ACY1: variants seen among roughly 807,000 people sequenced by gnomAD.
The protein encoded by ACY1 is aminoacylase 1.
A neutral mutation model predicts 53.3 loss-of-function variants in ACY1; 38 were observed. That is an observed-to-expected ratio of 0.71 (90% CI 0.55 to 0.93). ACY1 has a LOEUF of 0.93. Ranked by LOEUF, ACY1 falls within the 40% of genes least tolerant of loss-of-function variation. ACY1 has a pLI of 0.00. For synonymous variants in ACY1, 177 were observed against 202.1 expected (o/e 0.88, Z 1.05); for missense variants, 484 against 540.9 (o/e 0.89, Z 1.04).
intron 2 of ACY1, chr3:51,984,982 C>G: frequency 1.6e-6 from 1 of 606,388 alleles, no homozygotes; most frequent in Non-Finnish European, 3.0e-6. Flanking sequence ...TAACACCTTC[C>G]TCCAACCCTG....
chr3:51,988,792 T>C lies in ACY1; in HGVS notation c.1028T>C (p.Met343Thr). 6.2e-7 allele frequency: 1 copy of C among 1,614,162 alleles called. No individual in the cohort carries two copies. Among genetic ancestry groups the C allele is most frequent in the Admixed American group, 1.7e-5 (1 of 60,022 alleles). Residue 343 changes from methionine to threonine, a missense_variant, in exon 14 of 15, where the codon ATG (methionine) becomes ACG (threonine). Physicochemically the swap from Met to Thr is moderately conservative, Grantham distance 81. Transcript: ENST00000636358. ...DMNLTLEPEI[M>T]PAATDNRYIR... The stretch of plus-strand genomic sequence containing the variant: ...AACCTCACTCTGGAGCCTGAGATCA[T>C]GCCTGCTGCCACTGACAACCGCTAT...
rs1054983196 is a variant in ACY1, at chr3:51,988,519, C to T, written c.922-5C>T. ...CCTGATCCTGCCATTCTTCCTGTCC[C>T]TCAGAAGTGGATGCACCCCCAAGTG... On this transcript the variant is annotated splice_region_variant and splice_polypyrimidine_tract_variant and intron_variant, in intron 12 of 14. Coordinates refer to ENST00000636358, the MANE Select transcript of ACY1 (RefSeq NM_000666.3). The T allele has an allele frequency of 1.9e-6, 3 of 1,613,970 alleles. No homozygotes were observed. Among genetic ancestry groups the T allele is most frequent in the Admixed American group, 3.3e-5 (2 of 60,018 alleles).
chr3:51,988,878 C>T, intron 14 of ACY1, 33 bp from the exon 15 acceptor site: 1 of 1,614,236 alleles, frequency 6.2e-7, no homozygotes, highest in Non-Finnish European at 8.5e-7. Context: ...TGAGTGCTGG[C>T]TTTTCCCTAA....
At chr3:51,986,098 G>T in intron 5 of ACY1, 152 bp downstream of exon 5, 1 of 1,071,630 alleles carries the variant, frequency 9.3e-7, no homozygotes, top group South Asian at 1.3e-5. Context: ...CATGGATAGG[G>T]AGATTCAGAC....
In ACY1 at chr3:51,989,190, T is replaced by A; in HGVS notation, c.*115T>A. 5 of 1,426,916 alleles carry A rather than the reference T, an allele frequency of 3.5e-6. No individual in the cohort carries two copies. The highest frequency in any genetic ancestry group is 2.3e-5 in the East Asian group (1 of 43,414). The allele number at this position is 1,426,916 out of a possible 1,614,324, so 88.4% of individuals were successfully genotyped here. A position where few individuals can be genotyped will look rare whatever the true frequency, so the allele number is the denominator to read the frequency against. On this transcript the variant is annotated 3_prime_UTR_variant, in exon 15 of 15. Coordinates refer to ENST00000636358, the MANE Select transcript of ACY1 (RefSeq NM_000666.3). ...ATGGACAGGGCTGTCTCTGAAGTAC[T>A]AACACAAGGACACTCGTGGAGCAAG...
chr3:51,988,225 G>GT (rs1701143933), intron 12 of ACY1: 1 of 508,702 alleles, frequency 2.0e-6, no homozygotes, highest in Admixed American at 3.2e-5. Context: ...CTGAAAACCT[G>GT]TAACTGGAGT....
Position 51,985,937 on chromosome 3 carries a change from T to C in ACY1, c.350T>C (p.Val117Ala). The C allele has an allele frequency of 6.2e-7, 1 of 1,611,636 alleles. No individual in the cohort carries two copies. Among genetic ancestry groups the C allele is most frequent in the Non-Finnish European group, 8.5e-7 (1 of 1,178,924 alleles). ...YARGAQDMKC[V>A]SIQYLEAVRR... is the part of the protein sequence containing the mutation. ...AGGGGTGCCCAGGACATGAAGTGCG[T>C]CAGCATCCAGTGAGTGTCCTCCATT... Residue 117 changes from valine (V) to alanine (A), a missense_variant, in exon 5 of 15, where the codon GTC (valine) becomes GCC (alanine). Val to Ala is a moderately conservative substitution (Grantham distance 64). Transcript: ENST00000636358.
Position 51,986,924 on chromosome 3 carries a change from CCAGGCTGATTGTGTCTCCAGCCCCT to C in ACY1, c.584-55_584-31del. ...AATGAGGGGGAGACCTGGGCCCACC[CCAGGCTGATTGTGTCTCCAGCCCCT>C]CAGGCTGAAGACACTGCCTTCCCCC... On this transcript the variant is annotated intron_variant, in intron 8 of 14. Coordinates refer to ENST00000636358, the MANE Select transcript of ACY1 (RefSeq NM_000666.3). The C allele has an allele frequency of 5.1e-6, 8 of 1,563,138 alleles. No homozygotes were observed. The East Asian group carries it at 1.1e-4, about 22-fold the overall frequency.
chr3:51,985,829 C>T (rs1217587688), intron 4 of ACY1, 23 bp from the exon 5 acceptor site: 5 of 1,605,976 alleles, frequency 3.1e-6, no homozygotes, highest in Non-Finnish European at 4.3e-6. Context: ...GGTTTGGGCC[C>T]CTCTTCCCAT....
At chr3:51,987,534 C>T (rs752889933) in intron 11 of ACY1, 22 bp from the exon 12 acceptor site, 2 of 1,614,028 alleles carry the variant, frequency 1.2e-6, no homozygotes, top group South Asian at 1.1e-5. Context: ...CCTGAAGGAT[C>T]AGCTCGTCTC....
At chr3:51,983,986 T>G in intron 1 of ACY1, 61 bp from the exon 2 acceptor site, 4 of 1,261,120 alleles carry the variant, frequency 3.2e-6, no homozygotes, top group Non-Finnish European at 4.6e-6. Context: ...ACAGGCTGTG[T>G]GCAGGAGCTC....
In ACY1 at chr3:51,985,476, G is replaced by A. The variant is rs368392973; in HGVS notation, c.264+11G>A. 1.2e-6 allele frequency: 2 copies of A among 1,613,242 alleles called. No individual in the cohort carries two copies. The highest frequency in any genetic ancestry group is 1.7e-6 in the Non-Finnish European group (2 of 1,179,666). On this transcript the variant is annotated intron_variant, in intron 4 of 14. Transcript: ENST00000636358. The stretch of plus-strand genomic sequence containing the variant: ...GTGCCTGTCTTCAAGGTGTGTAAGG[G>A]GCTGGGGAGGTGGGCAGTGCAGGCC...
At chr3:51,988,660 C>G (rs758161914) in intron 13 of ACY1, 57 bp downstream of exon 13, 15 of 1,551,112 alleles carry the variant, frequency 9.7e-6, no homozygotes, top group Admixed American at 1.7e-5. Flanking sequence ...CTCCTTCCTG[C>G]TGCCCCCTCC....
intron 4 of ACY1, 27 bp from the exon 5 acceptor site, chr3:51,985,825 G>GGCCCC (rs1701034964): frequency 1.9e-6 from 3 of 1,601,014 alleles, no homozygotes; most frequent in Non-Finnish European, 2.6e-6. Context: ...TTGGGGTTTG[G>GGCCCC]GCCCCTCTTC....
At chr3:51,984,207 G>T in intron 2 of ACY1, 49 bp downstream of exon 2, 1 of 1,570,722 alleles carries the variant, frequency 6.4e-7, no homozygotes, top group South Asian at 1.1e-5. Flanking sequence ...AAGGGACGGG[G>T]ACTGTGCTCT....
At chr3:51,985,714 G>C in intron 4 of ACY1, 138 bp from the exon 5 acceptor site, 1 of 837,320 alleles carries the variant, frequency 1.2e-6, no homozygotes, top group East Asian at 2.7e-5. Flanking sequence ...GCCTTCTTCA[G>C]CCCCCGTCTT....
At position 51,986,810 on chromosome 3, in the gene ACY1, GCTT is replaced by G. The variant is rs1445633238; in HGVS notation, c.583+152_583+154del. On this transcript the variant is annotated intron_variant, in intron 8 of 14. Coordinates refer to ENST00000636358, the MANE Select transcript of ACY1 (RefSeq NM_000666.3). ...TACCTCCCAGCTCTTTCCTATCTGA[GCTT>G]CTCTGAGGGCAAGCCCTGAATGGGC... The G allele has an allele frequency of 9.4e-6, 12 of 1,281,334 alleles. No individual in the cohort carries two copies. In the African/African-American group the frequency reaches 1.2e-4, roughly 13 times the overall value. The allele number at this position is 1,281,334 out of a possible 1,614,324, so 79.4% of individuals were successfully genotyped here.
At chr3:51,984,011 C>G in intron 1 of ACY1, 36 bp from the exon 2 acceptor site, 2 of 1,492,748 alleles carry the variant, frequency 1.3e-6, no homozygotes, top group African/African-American at 2.8e-5. Context: ...TTTCCAGGGT[C>G]TTGGAGGGGT....
intron 1 of ACY1, 69 bp downstream of exon 1, chr3:51,983,658 T>C: frequency 3.8e-6 from 1 of 261,666 alleles, no homozygotes; most frequent in South Asian, 4.0e-5. Flanking sequence ...CTGGGAGGCG[T>C]TGGGGTTTTT....
Sources: allele counts gnomAD v4.1 joint callset, GRCh38; gene constraint gnomAD v4.1.1; transcripts MANE v1.5; gene names NCBI Gene and HGNC (gene_info 2026-07-23, HGNC 2026-07-21).